INTS3: variants seen among roughly 807,000 people sequenced by gnomAD.
INTS3 encodes integrator complex subunit 3.
In INTS3, 34 loss-of-function variants were observed where a neutral mutation model predicts 146.3. The ratio of observed to expected loss-of-function variants is 0.23; its 90% CI spans 0.18 to 0.31. The LOEUF is 0.31. Ranked by LOEUF, INTS3 falls within the 10% of genes least tolerant of loss-of-function variation. INTS3 has a pLI of 1.00. For missense variants in INTS3, 757 were observed against 1,304.2 expected (o/e 0.58, Z 6.46); for synonymous variants, 475 against 494.9 (o/e 0.96, Z 0.53).
At chr1:153,748,484 A>G in intron 5 of INTS3, 1 of 637,560 alleles carries the variant, frequency 1.6e-6, no homozygotes, top group Non-Finnish European at 2.9e-6. Flanking sequence ...TTCTAGAAAA[A>G]TTCAGAACCT....
intron 25 of INTS3, among the ~76,000 whole-genome samples, chr1:153,771,040 C>G (rs888022313): frequency 2.6e-5 from 4 of 152,056 alleles, no homozygotes; most frequent in Non-Finnish European, 2.9e-5. Flanking sequence ...CCGCCGCGCC[C>G]CCCCCACCGC....
chr1:153,761,084 T>C lies in INTS3; in HGVS notation c.1409+166T>C. 3 of 1,441,772 alleles carry C rather than the reference T, an allele frequency of 2.1e-6. No individual in the cohort carries two copies. The South Asian group carries it at 4.5e-5, about 22-fold the overall frequency. The allele number at this position is 1,441,772 out of a possible 1,614,324, so 89.3% of individuals were successfully genotyped here. A position where few individuals can be genotyped will look rare whatever the true frequency, so the allele number is the denominator to read the frequency against. ...ATGTCTTCTTGGCTCTTAGAGGAAT[T>C]TCTCTCCTGCCATCGTATTACAAAG... On this transcript the variant is annotated intron_variant, in intron 13 of 29. Coordinates refer to ENST00000318967, the MANE Select transcript of INTS3 (RefSeq NM_023015.5).
At chr1:153,734,232 T>G (rs1457788833) in intron 1 of INTS3, among the ~76,000 whole-genome samples, 1 of 152,218 alleles carries the variant, frequency 6.6e-6, no homozygotes, top group Non-Finnish European at 1.5e-5. Context: ...CTATCTTTAC[T>G]AAGAGACTCT....
chr1:153,763,451 G>A, intron 16 of INTS3, 89 bp downstream of exon 16: 1 of 1,408,276 alleles, frequency 7.1e-7, no homozygotes, highest in Non-Finnish European at 1.0e-6. Context: ...GATGGGGGTT[G>A]GAGGCAAACA....
chr1:153,741,212 C>T, intron 2 of INTS3, 73 bp from the exon 3 acceptor site: 1 of 1,085,160 alleles, frequency 9.2e-7, no homozygotes, highest in Non-Finnish European at 1.4e-6. Context: ...CCCATGTTTT[C>T]TGGGAGAAAC....
chr1:153,759,770 GA>G, intron 11 of INTS3, 157 bp downstream of exon 11: 1 of 620,162 alleles, frequency 1.6e-6, no homozygotes, highest in Admixed American at 2.8e-5. Context: ...CCTTGACCTA[GA>G]AAGAGAATTG....
rs1672474687 is a variant in INTS3, at chr1:153,763,750, GC to G, written c.1767-81del. 3.4e-6 allele frequency: 4 copies of G among 1,180,874 alleles called. No individual in the cohort carries two copies. The East Asian group carries it at 9.4e-5, about 28-fold the overall frequency. 73.1% of individuals were successfully genotyped at this position (1,180,874 alleles called of 1,614,324 possible). On this transcript the variant is annotated intron_variant, in intron 16 of 29. Transcript: ENST00000318967. ...GTTTTGTCTCTGTGCATGTGAGTGT[GC>G]TTGTGCACTGTTCTGGGTGTGTGTC...
At chr1:153,731,954 C>T (rs1464798581) in intron 1 of INTS3, among the ~76,000 whole-genome samples, 1 of 119,224 alleles carries the variant, frequency 8.4e-6, no homozygotes, top group Non-Finnish European at 1.6e-5. Flanking sequence ...GTCGCCCAGG[C>T]TGGAGTGCAG....
At chr1:153,729,020 G>T (rs764006642) in intron 1 of INTS3, among the ~76,000 whole-genome samples, 2 of 152,138 alleles carry the variant, frequency 1.3e-5, no homozygotes, top group Non-Finnish European at 2.9e-5. Context: ...GGGGGGTGTT[G>T]GTGAAGGAAG....
chr1:153,767,921 T>G (rs1204740839), intron 21 of INTS3, 94 bp downstream of exon 21: 1 of 1,303,082 alleles, frequency 7.7e-7, no homozygotes, highest in Non-Finnish European at 1.0e-6. Context: ...CCTCTTTTGT[T>G]CATCCCCACT....
intron 3 of INTS3, 106 bp downstream of exon 3, chr1:153,741,474 G>A (rs1271007242): frequency 4.9e-6 from 4 of 811,842 alleles, no homozygotes; most frequent in Non-Finnish European, 8.5e-6. Flanking sequence ...GACCAGAGCT[G>A]GATCACCTTG....
At position 153,771,853 on chromosome 1, in the gene INTS3, G is replaced by A. The variant is rs752301617; in HGVS notation, c.2610G>A (p.Gln870=). The A allele has an allele frequency of 1.2e-6, 2 of 1,614,100 alleles. No homozygotes were observed. The highest frequency in any genetic ancestry group is 2.2e-5 in the East Asian group (1 of 44,878). Residue 870 remains glutamine (Q), a synonymous_variant, in exon 26 of 30, where the codon CAG becomes CAA. Transcript: ENST00000318967. ...GCCGGCCCTGCCATCCTGACGACCA[G>A]TTCACCACCAGCATCCTGCGGCACT... ...VLSRPCHPDD[Q]FTTSILRHWC... is the part of the protein sequence containing the mutation.
chr1:153,751,046 T>C, intron 6 of INTS3, 49 bp from the exon 7 acceptor site: 1 of 1,568,136 alleles, frequency 6.4e-7, no homozygotes, highest in Non-Finnish European at 8.7e-7. Context: ...ATTGGGAGGG[T>C]GAATAGTTCT....
chr1:153,742,547 C>G (rs568002984), intron 3 of INTS3, among the ~76,000 whole-genome samples: 73 of 148,224 alleles, frequency 4.9e-4, no homozygotes, highest in African/African-American at 1.8e-3. Context: ...TTTATAAATA[C>G]CATTCAAATT....
intron 18 of INTS3, 84 bp downstream of exon 18, chr1:153,764,305 G>A: frequency 2.3e-6 from 2 of 883,526 alleles, no homozygotes; most frequent in South Asian, 2.7e-5. Context: ...CCTTACTGTA[G>A]ACTTGAGAAA....
At chr1:153,751,378 C>G (rs1311343582) in intron 7 of INTS3, 139 bp downstream of exon 7, 3 of 826,080 alleles carry the variant, frequency 3.6e-6, no homozygotes, top group Non-Finnish European at 5.7e-6. Flanking sequence ...CATTCATCAA[C>G]AGATGAGGGT....
intron 1 of INTS3, among the ~76,000 whole-genome samples, 179 bp downstream of exon 1, chr1:153,728,963 C>G (rs1165344403): frequency 6.6e-6 from 1 of 152,046 alleles, no homozygotes; most frequent in Non-Finnish European, 1.5e-5. Context: ...GGCCAACTTC[C>G]TGGACAGGTT....
intron 16 of INTS3, 130 bp downstream of exon 16, chr1:153,763,492 C>T (rs922145749): frequency 7.9e-5 from 79 of 998,468 alleles, no homozygotes; most frequent in Non-Finnish European, 1.1e-4. Flanking sequence ...GTAGCTGAAG[C>T]TTCATGAGGG....
chr1:153,766,115 C>CTTTTT (rs542483679), intron 20 of INTS3, among the ~76,000 whole-genome samples: 60 of 84,622 alleles, frequency 7.1e-4, no homozygotes, highest in Non-Finnish European at 8.6e-4. Flanking sequence ...TTTTCTTTCT[C>CTTTTT]TTTTTTTTTT....
Sources: allele counts gnomAD v4.1 joint callset (sites outside exome capture counted in the v4.1 genomes callset), GRCh38; gene constraint gnomAD v4.1.1; transcripts MANE v1.5; gene names NCBI Gene and HGNC (gene_info 2026-07-23, HGNC 2026-07-21).